CNTNAP5: variants seen among roughly 807,000 people sequenced by gnomAD.
CNTNAP5 encodes contactin-associated protein-like 5.
In CNTNAP5, 72 loss-of-function variants were observed where a neutral mutation model predicts 150.2. That is an observed-to-expected ratio of 0.48 (90% CI 0.40 to 0.58). The LOEUF is 0.58. CNTNAP5 is among the 20% of genes least tolerant of loss of function. The pLI is 0.00. For synonymous variants in CNTNAP5, 672 were observed against 619.8 expected (o/e 1.08, Z -1.25); for missense variants, 1,636 against 1,626.2 (o/e 1.01, Z -0.10).
At chr2:124,786,370 AG>A (rs1202758796) in intron 17 of CNTNAP5, among the ~76,000 whole-genome samples, 1 of 73,036 alleles carries the variant, frequency 1.4e-5, no homozygotes, top group Admixed American at 1.4e-4. Flanking sequence ...AAAGAAAGAA[AG>A]AAAGAAAGAA....
chr2:124,773,740 T>C (rs1681256121), intron 17 of CNTNAP5, among the ~76,000 whole-genome samples: 1 of 152,084 alleles, frequency 6.6e-6, no homozygotes, highest in Non-Finnish European at 1.5e-5. Context: ...CTACCACTGC[T>C]TTTCAAGGAG....
At chr2:124,298,188 G>A (rs1213755521) in intron 3 of CNTNAP5, among the ~76,000 whole-genome samples, 1 of 152,124 alleles carries the variant, frequency 6.6e-6, no homozygotes, top group South Asian at 2.1e-4. Context: ...GTTCAGGGAT[G>A]TAAATGCTTG....
At chr2:124,837,143 A>G (rs930195735) in intron 19 of CNTNAP5, among the ~76,000 whole-genome samples, 1 of 151,880 alleles carries the variant, frequency 6.6e-6, no homozygotes, top group Non-Finnish European at 1.5e-5. Context: ...GAAACCAGAC[A>G]CTGGAGAAAA....
rs61480383 is a variant in CNTNAP5 at position 124,282,994 on chromosome 2, C to CTT, written c.381+40616_381+40617dup. Among the ~76,000 whole-genome samples the CTT allele has an allele frequency of 5.0e-5, 7 of 140,522 alleles. No homozygotes were observed. In the East Asian group the frequency reaches 8.3e-4, roughly 17 times the overall value. The allele number at this position is 140,522 out of a possible 152,430, so 92.2% of individuals were successfully genotyped here. On this transcript the variant is annotated intron_variant, in intron 3 of 23. Transcript: ENST00000682447. Reference sequence around the variant, plus strand: ...GGCCTCCAATTAGATGTCCATTGCTCTTTTTTTTTTTTTTTTGACCTACTT... The same window carrying CTT: ...GGCCTCCAATTAGATGTCCATTGCTCTTTTTTTTTTTTTTTTTTGACCTACTT...
At chr2:124,099,741 C>A (rs971243331) in intron 1 of CNTNAP5, among the ~76,000 whole-genome samples, 1 of 152,064 alleles carries the variant, frequency 6.6e-6, no homozygotes, top group Non-Finnish European at 1.5e-5. Context: ...TGGAGGGAGG[C>A]AGAAGAGGGG....
chr2:124,026,754 A>G (rs943441322), intron 1 of CNTNAP5, among the ~76,000 whole-genome samples: 13 of 152,348 alleles, frequency 8.5e-5, no homozygotes, highest in African/African-American at 3.1e-4. Flanking sequence ...AATATTACCC[A>G]TATTGGAACA....
At chr2:124,330,212 G>C (rs527349111) in intron 3 of CNTNAP5, among the ~76,000 whole-genome samples, 1 of 152,094 alleles carries the variant, frequency 6.6e-6, no homozygotes, top group Non-Finnish European at 1.5e-5. Flanking sequence ...ATCAACCTCA[G>C]TTCCTCAAAG....
intron 13 of CNTNAP5, among the ~76,000 whole-genome samples, chr2:124,656,191 A>G (rs975517785): frequency 6.6e-5 from 10 of 152,162 alleles, no homozygotes; most frequent in African/African-American, 2.4e-4. Context: ...AAAATTTTAC[A>G]TGAATAGTCA....
At chr2:124,520,759 G>T (rs954553923) in intron 8 of CNTNAP5, among the ~76,000 whole-genome samples, 1 of 152,052 alleles carries the variant, frequency 6.6e-6, no homozygotes, top group Non-Finnish European at 1.5e-5. Context: ...GGCCTAAAAG[G>T]TGTTGCTTTC....
chr2:124,726,764 C>T (rs956936395), intron 13 of CNTNAP5, among the ~76,000 whole-genome samples: 7 of 151,518 alleles, frequency 4.6e-5, no homozygotes, highest in Non-Finnish European at 1.0e-4. Flanking sequence ...GCAAACATTT[C>T]CTCCCCTGTA....
intron 1 of CNTNAP5, among the ~76,000 whole-genome samples, chr2:124,163,806 T>C (rs561626746): frequency 6.6e-6 from 1 of 152,052 alleles, no homozygotes; most frequent in Non-Finnish European, 1.5e-5. Context: ...TCTTCTTCCA[T>C]GAAGAACAAA....
chr2:124,424,663 T>G (rs1692196621), intron 4 of CNTNAP5, among the ~76,000 whole-genome samples: 2 of 152,236 alleles, frequency 1.3e-5, no homozygotes, highest in South Asian at 2.1e-4. Flanking sequence ...ATGACTTCTT[T>G]ATAACTTTTC....
Position 124,899,231 on chromosome 2 carries a change from T to A in CNTNAP5, c.3437-3651T>A, listed in dbSNP as rs1005391458. Reference sequence around the variant, plus strand: ...GAGCTATAAATTTGATTTATATTATTGTATTTATTTCTGACATAATTCATG... The same window carrying A: ...GAGCTATAAATTTGATTTATATTATAGTATTTATTTCTGACATAATTCATG... On this transcript the variant is annotated intron_variant, in intron 21 of 23. Coordinates refer to ENST00000682447, the MANE Select transcript of CNTNAP5 (RefSeq NM_001367498.1). Among the ~76,000 whole-genome samples, 14 of 151,700 alleles carry A rather than the reference T, an allele frequency of 9.2e-5. No individual in the cohort carries two copies. In the East Asian group the frequency reaches 2.7e-3, roughly 29 times the overall value.
intron 1 of CNTNAP5, among the ~76,000 whole-genome samples, chr2:124,072,218 A>G (rs1682322670): frequency 6.6e-6 from 1 of 152,020 alleles, no homozygotes; most frequent in South Asian, 2.1e-4. Flanking sequence ...TAGAAAGAAC[A>G]TACCTCAACA....
At chr2:124,395,597 A>G (rs1463680770) in intron 3 of CNTNAP5, among the ~76,000 whole-genome samples, 1 of 152,162 alleles carries the variant, frequency 6.6e-6, no homozygotes, top group Non-Finnish European at 1.5e-5. Flanking sequence ...GGAACTAGCA[A>G]TAACAGTAGT....
chr2:124,173,835 T>A (rs1684995596), intron 1 of CNTNAP5, among the ~76,000 whole-genome samples: 1 of 152,222 alleles, frequency 6.6e-6, no homozygotes, highest in Non-Finnish European at 1.5e-5. Context: ...TGGAAGAGAA[T>A]GTGATCTAGG....
chr2:124,480,932 T>G (rs1277563297), intron 7 of CNTNAP5, among the ~76,000 whole-genome samples: 2 of 152,332 alleles, frequency 1.3e-5, no homozygotes, highest in South Asian at 2.1e-4. Flanking sequence ...CAAGGTCATA[T>G]GAAGAATAAT....
chr2:124,110,890 C>T (rs555672394), intron 1 of CNTNAP5, among the ~76,000 whole-genome samples: 12 of 152,302 alleles, frequency 7.9e-5, no homozygotes, highest in African/African-American at 2.9e-4. Flanking sequence ...ATAGAAAGCT[C>T]ACCACCAGAA....
At chr2:124,721,504 A>AATAAATAAATAAATAC (rs1680047935) in intron 13 of CNTNAP5, among the ~76,000 whole-genome samples, 2 of 149,684 alleles carry the variant, frequency 1.3e-5, no homozygotes, top group South Asian at 4.2e-4. Flanking sequence ...TAAATAAATA[A>AATAAATAAATAAATAC]ATAAATACAT....
Sources: gnomAD v4.1 joint callset for allele counts (sites outside exome capture counted in the v4.1 genomes callset) on GRCh38, gnomAD v4.1.1 for gene constraint, MANE v1.5 for transcripts, NCBI Gene and HGNC (gene_info 2026-07-23, HGNC 2026-07-21) for gene names.